Variants in TRIM33 observed in about 807,000 individuals in gnomAD.
The protein encoded by TRIM33 is E3 ubiquitin-protein ligase TRIM33.
In TRIM33, 20 loss-of-function variants were observed where a neutral mutation model predicts 125.4. The observed-to-expected ratio is 0.16, with a 90% CI of 0.11 to 0.23. The LOEUF is 0.23. Ranked by LOEUF, TRIM33 falls within the 10% of genes least tolerant of loss-of-function variation. The pLI, the probability that TRIM33 is intolerant of heterozygous loss-of-function variation, is 1.00. For missense variants in TRIM33, 920 were observed against 1,411.4 expected (o/e 0.65, Z 5.58); for synonymous variants, 564 against 513.9 (o/e 1.10, Z -1.32).
intron 1 of TRIM33, among the ~76,000 whole-genome samples, chr1:114,485,192 T>C (rs1020871370): frequency 3.3e-5 from 5 of 152,078 alleles, no homozygotes; most frequent in African/African-American, 1.2e-4. Context: ...ATCTCACGAC[T>C]ATAATCTGTA....
intron 4 of TRIM33, among the ~76,000 whole-genome samples, chr1:114,438,133 A>G (rs566226952): frequency 1.6e-4 from 24 of 152,288 alleles, no homozygotes; most frequent in African/African-American, 5.8e-4. Flanking sequence ...TTCTGAATGT[A>G]CATTATGGTC....
intron 1 of TRIM33, among the ~76,000 whole-genome samples, chr1:114,492,424 T>C (rs991021189): frequency 9.9e-5 from 15 of 152,210 alleles, no homozygotes; most frequent in Non-Finnish European, 1.8e-4. Context: ...CTATCAGGTA[T>C]GTTATATGGC....
Position 114,463,133 on chromosome 1 carries a change from G to A in TRIM33, c.894C>T (p.Asp298=). ...CETCDRLTCR[D]CQLLEHKEHR... is the part of the protein sequence containing the mutation. ...GTTCTTTGTGTTCCAATAGCTGACAGTCTCTACATGTCAATCTATCACATG... is the reference window on the plus strand; with the variant it reads ...GTTCTTTGTGTTCCAATAGCTGACAATCTCTACATGTCAATCTATCACATG... Residue 298 remains aspartate, a synonymous_variant, in exon 4 of 20, where the codon GAC becomes GAT. Coordinates refer to ENST00000358465, the MANE Select transcript of TRIM33 (RefSeq NM_015906.4). 1.2e-6 allele frequency: 2 copies of A among 1,608,840 alleles called. No individual in the cohort carries two copies. The highest frequency in any genetic ancestry group is 2.2e-5 in the South Asian group (2 of 89,534).
Position 114,395,210 on chromosome 1 carries a change from G to A in TRIM33, c.*2438C>T, listed in dbSNP as rs1013233451. 21 of 205,212 alleles carry A rather than the reference G, an allele frequency of 1.0e-4. No homozygotes were observed. The highest frequency in any genetic ancestry group is 4.8e-4 in the African/African-American group (21 of 43,724). 12.7% of individuals were successfully genotyped at this position (205,212 alleles called of 1,614,324 possible). ...AAGTGAATACCTTAATTTAATGGTG[G>A]TATGTTGATAGCTATTAATAGTAAT... On this transcript the variant is annotated 3_prime_UTR_variant, in exon 20 of 20. Coordinates refer to ENST00000358465, the MANE Select transcript of TRIM33 (RefSeq NM_015906.4).
At chr1:114,499,194 T>G (rs914826002) in intron 1 of TRIM33, among the ~76,000 whole-genome samples, 2 of 152,060 alleles carry the variant, frequency 1.3e-5, no homozygotes, top group African/African-American at 4.8e-5. Flanking sequence ...AAAGAAAACT[T>G]CAAAAATTCA....
chr1:114,420,714 T>A (rs564897337), intron 11 of TRIM33, among the ~76,000 whole-genome samples: 1 of 152,218 alleles, frequency 6.6e-6, no homozygotes, highest in Non-Finnish European at 1.5e-5. Context: ...CTGATCTATG[T>A]TATAGAAAGA....
chr1:114,411,529 A>G (rs1652588167), intron 11 of TRIM33, among the ~76,000 whole-genome samples: 1 of 152,146 alleles, frequency 6.6e-6, no homozygotes, highest in Non-Finnish European at 1.5e-5. Context: ...AGGGGGGAGT[A>G]CCTAATATGG....
At chr1:114,500,044 C>G (rs1292004916) in intron 1 of TRIM33, among the ~76,000 whole-genome samples, 1 of 152,022 alleles carries the variant, frequency 6.6e-6, no homozygotes, top group Non-Finnish European at 1.5e-5. Flanking sequence ...GCGGGCGCCT[C>G]TAATCCCAGC....
At chr1:114,482,678 A>G (rs1651433650) in intron 1 of TRIM33, among the ~76,000 whole-genome samples, 1 of 152,166 alleles carries the variant, frequency 6.6e-6, no homozygotes, top group South Asian at 2.1e-4. Flanking sequence ...GTGGGAGGTG[A>G]TTGGATCACG....
intron 1 of TRIM33, among the ~76,000 whole-genome samples, chr1:114,496,115 G>A (rs1161683645): frequency 6.6e-6 from 1 of 152,220 alleles, no homozygotes; most frequent in African/African-American, 2.4e-5. Flanking sequence ...CAGTAATACA[G>A]TGAAATGATT....
intron 1 of TRIM33, among the ~76,000 whole-genome samples, chr1:114,495,388 T>C (rs1373604841): frequency 6.6e-6 from 1 of 152,158 alleles, no homozygotes; most frequent in East Asian, 1.9e-4. Context: ...CTCATTTGTT[T>C]AAAAAAGAAA....
intron 11 of TRIM33, among the ~76,000 whole-genome samples, chr1:114,414,027 G>GCACACA (rs3077592): frequency 0.052 from 6,836 of 130,604 alleles, 239 homozygotes; most frequent in Middle Eastern, 0.11. Flanking sequence ...TAAATCACAG[G>GCACACA]CACACACACA....
chr1:114,404,101 A>G (rs988397269), intron 15 of TRIM33, among the ~76,000 whole-genome samples: 3 of 152,200 alleles, frequency 2.0e-5, no homozygotes, highest in Admixed American at 2.0e-4. Context: ...ATATATACAT[A>G]GATCCTAAAT....
chr1:114,481,850 A>T (rs1255821537), intron 1 of TRIM33, among the ~76,000 whole-genome samples: 1 of 151,762 alleles, frequency 6.6e-6, no homozygotes, highest in Non-Finnish European at 1.5e-5. Flanking sequence ...ACCTCCGCCT[A>T]CCCAGTTCAA....
At chr1:114,507,321 G>A (rs1281482298) in intron 1 of TRIM33, among the ~76,000 whole-genome samples, 1 of 152,214 alleles carries the variant, frequency 6.6e-6, no homozygotes, top group Admixed American at 6.5e-5. Flanking sequence ...TGTCACAGAT[G>A]ATGCTGATGC....
chr1:114,427,644 T>C, intron 7 of TRIM33, 104 bp downstream of exon 7: 1 of 1,235,346 alleles, frequency 8.1e-7, no homozygotes, highest in South Asian at 1.7e-5. Context: ...TGGTGGTGGT[T>C]ACATTTGCCA....
Position 114,510,877 on chromosome 1 carries a change from A to G in TRIM33, c.200T>C (p.Val67Ala), listed in dbSNP as rs6691166. ...GGCCGAGCCCGAGGAGGCCGCGGCC[A>G]CCCCCCCGTCGTCGGGCCCGGCCGC... ...GGAAGPDDGG[V>A]AAASSGSAQA... The change falls in exon 1 of 20, where the codon GTG (valine) becomes GCG (alanine). Residue 67 changes from valine to alanine, a missense_variant. Physicochemically the swap from Val to Ala is moderately conservative, Grantham distance 64. Around this residue, in one of 8 missense-constraint regions of TRIM33, gnomAD observed 233 missense variants for 189.6 expected, o/e 1.23. Transcript: ENST00000358465. 59,764 of 1,447,480 alleles carry G rather than the reference A, an allele frequency of 0.041. 1,568 individuals carry two copies. The highest frequency in any genetic ancestry group is 0.12 in the African/African-American group (7,823 of 66,948). The allele number at this position is 1,447,480 out of a possible 1,614,324, so 89.7% of individuals were successfully genotyped here. A position where few individuals can be genotyped will look rare whatever the true frequency, so the allele number is the denominator to read the frequency against.
At chr1:114,453,771 A>C (rs116958311) in intron 4 of TRIM33, among the ~76,000 whole-genome samples, 1 of 152,180 alleles carries the variant, frequency 6.6e-6, no homozygotes, top group South Asian at 2.1e-4. Flanking sequence ...AACCACATCT[A>C]TGTGACAGAG....
chr1:114,489,796 T>C (rs1398863082), intron 1 of TRIM33, among the ~76,000 whole-genome samples: 1 of 151,866 alleles, frequency 6.6e-6, no homozygotes, highest in African/African-American at 2.4e-5. Flanking sequence ...ACTGTGAATA[T>C]AACTAAAGCC....
Sources: allele counts gnomAD v4.1 joint callset (sites outside exome capture counted in the v4.1 genomes callset), GRCh38; gene constraint gnomAD v4.1.1; regional missense constraint gnomAD v4.1.1; transcripts MANE v1.5; gene names NCBI Gene and HGNC (gene_info 2026-07-23, HGNC 2026-07-21).